SCNN1G: variants seen among roughly 807,000 people sequenced by gnomAD.
SCNN1G encodes the protein epithelial sodium channel subunit gamma.
A neutral mutation model predicts 64.6 loss-of-function variants in SCNN1G; 27 were observed. The ratio of observed to expected loss-of-function variants is 0.42; its 90% CI spans 0.31 to 0.58. The LOEUF is 0.58. SCNN1G is among the 20% of genes least tolerant of loss of function. The probability of loss-of-function intolerance (pLI) is 0.18; values close to 1 mark genes in which losing one functional copy is unlikely to be tolerated. For synonymous variants in SCNN1G, 330 were observed against 314.2 expected, an observed-to-expected ratio of 1.05 and a Z score of -0.53; for missense variants, 743 against 823.4, an observed-to-expected ratio of 0.90 and a Z score of 1.19.
chr16:23,200,779 T>C (rs913056542), intron 6 of SCNN1G, among the ~76,000 whole-genome samples: 1 of 152,162 alleles, frequency 6.6e-6, no homozygotes, highest in African/African-American at 2.4e-5. Context: ...ATGGGGAAGA[T>C]GAGGTTCAAG....
chr16:23,194,326 G>A, intron 5 of SCNN1G, 52 bp downstream of exon 5: 1 of 1,258,656 alleles, frequency 7.9e-7, no homozygotes, highest in Non-Finnish European at 1.2e-6. Flanking sequence ...AGTGGACATG[G>A]GGGCAGCAGG....
chr16:23,186,602 G>T lies in SCNN1G; in HGVS notation c.317+14G>T. ...CAACCCCTACAAGTAAGAGGCATGA[G>T]CAGGGAAACGCGAGTAGGGAGCCAG... On this transcript the variant is annotated intron_variant, in intron 2 of 12. Coordinates refer to ENST00000300061, the MANE Select transcript of SCNN1G (RefSeq NM_001039.4). The T allele has an allele frequency of 6.2e-7, 1 of 1,607,586 alleles. No homozygotes were observed. The highest frequency in any genetic ancestry group is 8.5e-7 in the Non-Finnish European group (1 of 1,178,210).
intron 4 of SCNN1G, among the ~76,000 whole-genome samples, chr16:23,193,095 A>C (rs887435915): frequency 2.1e-5 from 3 of 145,438 alleles, no homozygotes; most frequent in Non-Finnish European, 3.0e-5. Context: ...AAAAAAAAAA[A>C]AACCCAACCC....
At chr16:23,207,974 CA>C (rs1314140319) in intron 6 of SCNN1G, among the ~76,000 whole-genome samples, 1 of 151,910 alleles carries the variant, frequency 6.6e-6, no homozygotes, top group African/African-American at 2.4e-5. Context: ...TCTCCCCAAC[CA>C]AAAAAATAAA....
At chr16:23,209,889 C>T in intron 7 of SCNN1G, 41 bp downstream of exon 7, 1 of 1,428,476 alleles carries the variant, frequency 7.0e-7, no homozygotes, top group Non-Finnish European at 9.9e-7. Context: ...GGTTTATGGC[C>T]CGGACCCAGG....
At position 23,215,233 on chromosome 16, in the gene SCNN1G, T is replaced by G. The variant is rs751165472; in HGVS notation, c.1714T>G (p.Trp572Gly). The G allele has an allele frequency of 6.2e-7, 1 of 1,613,686 alleles. No individual in the cohort carries two copies. ...CCGCCAGTGGCAGAAAGCCAAGGAGTGGTGGGCCTGGAAACAGGCTCCCCC... is the reference window on the plus strand; with the variant it reads ...CCGCCAGTGGCAGAAAGCCAAGGAGGGGTGGGCCTGGAAACAGGCTCCCCC... ...ARRQWQKAKE[W>G]WAWKQAPPCP... The change falls in exon 13 of 13, where the codon TGG becomes GGG. Residue 572 changes from tryptophan (W) to glycine (G), a missense_variant. Transcript: ENST00000300061.
At chr16:23,184,296 G>A (rs1959569514) in intron 1 of SCNN1G, among the ~76,000 whole-genome samples, 1 of 152,196 alleles carries the variant, frequency 6.6e-6, no homozygotes, top group Non-Finnish European at 1.5e-5. Context: ...GGGGATAGGA[G>A]CTTCCAGAAT....
chr16:23,183,023 A>G (rs988070529), intron 1 of SCNN1G, among the ~76,000 whole-genome samples: 6 of 152,176 alleles, frequency 3.9e-5, no homozygotes, highest in African/African-American at 1.4e-4. Context: ...GGCCCGGAGC[A>G]CGAAGCCAGT....
At chr16:23,200,524 T>C (rs1283945509) in intron 6 of SCNN1G, among the ~76,000 whole-genome samples, 1 of 152,230 alleles carries the variant, frequency 6.6e-6, no homozygotes, top group Non-Finnish European at 1.5e-5. Flanking sequence ...GGCTTGGATA[T>C]CCGCCTGTCA....
chr16:23,186,360 G>T lies in SCNN1G; in HGVS notation c.89G>T (p.Arg30Leu). The T allele has an allele frequency of 6.2e-7, 1 of 1,614,174 alleles. No individual in the cohort carries two copies. Among genetic ancestry groups the T allele is most frequent in the South Asian group, 1.1e-5 (1 of 91,078 alleles). The change falls in exon 2 of 13, where the codon CGG becomes CTG. Residue 30 changes from arginine to leucine, a missense_variant. Transcript: ENST00000300061. ...GCGCCGACCATTAAAGAGCTGATGC[G>T]GTGGTACTGCCTCAACACCAACACC... ...PQAPTIKELM[R>L]WYCLNTNTHG...
At chr16:23,198,463 G>T (rs1023723685) in intron 6 of SCNN1G, among the ~76,000 whole-genome samples, 10 of 152,296 alleles carry the variant, frequency 6.6e-5, no homozygotes, top group Admixed American at 5.9e-4. Context: ...GGGCACAGTG[G>T]CTCATGCCTA....
intron 6 of SCNN1G, among the ~76,000 whole-genome samples, chr16:23,199,541 C>T (rs969529174): frequency 2.6e-5 from 4 of 152,124 alleles, no homozygotes; most frequent in Non-Finnish European, 5.9e-5. Context: ...GCTATTTCCC[C>T]ACACTCTAAC....
intron 6 of SCNN1G, among the ~76,000 whole-genome samples, chr16:23,199,918 G>C (rs191764608): frequency 6.6e-6 from 1 of 151,982 alleles, no homozygotes; most frequent in Non-Finnish European, 1.5e-5. Context: ...TGATCCGCCC[G>C]CCTCAGCCTC....
chr16:23,207,124 T>C (rs1960003684), intron 6 of SCNN1G, among the ~76,000 whole-genome samples: 1 of 152,156 alleles, frequency 6.6e-6, no homozygotes, highest in South Asian at 2.1e-4. Context: ...GGCCATTGAG[T>C]ACTCAGAAAG....
Position 23,192,536 on chromosome 16 carries a change from A to G in SCNN1G, c.803A>G (p.Asp268Gly). The change falls in exon 4 of 13, where the codon GAT becomes GGT. Residue 268 changes from aspartate to glycine, a missense_variant. Asp to Gly is a moderately conservative substitution (Grantham distance 94, BLOSUM62 -1). Coordinates refer to ENST00000300061, the MANE Select transcript of SCNN1G (RefSeq NM_001039.4). ...VTCFFDGVSCDARNFTLFHHP... is the reference protein window; with the variant it reads ...VTCFFDGVSCGARNFTLFHHP... ...TGCTTCTTTGATGGAGTGTCCTGTG[A>G]TGCCAGGTCAGGAGAGAATGCTGCT... 2 of 1,611,484 alleles carry G rather than the reference A, an allele frequency of 1.2e-6. No homozygotes were observed. The highest frequency in any genetic ancestry group is 1.7e-6 in the Non-Finnish European group (2 of 1,179,494).
In SCNN1G at chr16:23,215,108, A is replaced by G. The variant is rs148985177; in HGVS notation, c.1589A>G (p.Asn530Ser). 8.8e-4 allele frequency: 1,421 copies of G among 1,613,944 alleles called. No homozygotes were observed. The highest frequency in any genetic ancestry group is 1.1e-3 in the Non-Finnish European group (1,313 of 1,179,976). Residue 530 changes from asparagine to serine, a missense_variant, in exon 13 of 13, where the codon AAC becomes AGC. Coordinates refer to ENST00000300061, the MANE Select transcript of SCNN1G (RefSeq NM_001039.4). ...TTGCAGATTGAGATGCTTCTGTCCA[A>G]CTTCGGTGGCCAGCTGGGCCTGTGG... Reference protein sequence around the residue: ...PANSIEMLLSNFGGQLGLWMS... With the variant: ...PANSIEMLLSSFGGQLGLWMS...
At chr16:23,208,129 G>A (rs941621042) in intron 6 of SCNN1G, among the ~76,000 whole-genome samples, 11 of 152,128 alleles carry the variant, frequency 7.2e-5, no homozygotes, top group African/African-American at 2.7e-4. Context: ...GGCTTGGCTG[G>A]ATTATTTATT....
intron 6 of SCNN1G, among the ~76,000 whole-genome samples, chr16:23,204,314 TATATATATATATATATATATAG>T (rs1414314583): frequency 7.3e-5 from 6 of 81,742 alleles, no homozygotes; most frequent in South Asian, 4.9e-4. Flanking sequence ...TATATATATA[TATATATATATATATATATATAG>T]AGAGAGAGAG....
At chr16:23,213,193 T>C (rs761962364) in intron 11 of SCNN1G, 30 bp downstream of exon 11, 2 of 1,534,506 alleles carry the variant, frequency 1.3e-6, no homozygotes, top group East Asian at 4.5e-5. Flanking sequence ...TTCCTCTGTC[T>C]CTTCCCACCA....
Sources: gnomAD v4.1 joint callset for allele counts (sites outside exome capture counted in the v4.1 genomes callset) on GRCh38, gnomAD v4.1.1 for gene constraint, MANE v1.5 for transcripts, NCBI Gene and HGNC (gene_info 2026-07-23, HGNC 2026-07-21) for gene names.